NSG2: variants seen among roughly 807,000 people sequenced by gnomAD.
The protein encoded by NSG2 is neuronal vesicle trafficking-associated protein 2.
A neutral mutation model predicts 16.9 loss-of-function variants in NSG2; 4 were observed. The observed-to-expected ratio is 0.24, with a 90% CI of 0.12 to 0.54. The LOEUF is 0.54. NSG2 is among the 20% of genes least tolerant of loss of function. The pLI is 0.95. For synonymous variants in NSG2, 98 were observed against 88.7 expected (o/e 1.11, Z -0.59); for missense variants, 179 against 221.1 (o/e 0.81, Z 1.21).
chr5:174,096,087 C>T (rs1420048605), intron 3 of NSG2, among the ~76,000 whole-genome samples: 1 of 152,224 alleles, frequency 6.6e-6, no homozygotes, highest in Non-Finnish European at 1.5e-5. Context: ...GATACAATAC[C>T]ACCTACCTCA....
intron 4 of NSG2, among the ~76,000 whole-genome samples, chr5:174,106,954 G>C (rs1047572306): frequency 6.6e-6 from 1 of 152,172 alleles, no homozygotes; most frequent in Admixed American, 6.5e-5. Context: ...ATAGTCATTG[G>C]CTGTGAACAA....
intron 2 of NSG2, among the ~76,000 whole-genome samples, chr5:174,053,438 C>T (rs1041955600): frequency 2.0e-5 from 3 of 152,096 alleles, no homozygotes; most frequent in African/African-American, 7.2e-5. Flanking sequence ...GCAGGGGAGG[C>T]CTGAAAGGGG....
chr5:174,087,787 C>T (rs1246943160), intron 3 of NSG2, among the ~76,000 whole-genome samples: 1 of 131,660 alleles, frequency 7.6e-6, no homozygotes, highest in Admixed American at 7.7e-5. Context: ...GACCCTGTGT[C>T]AAAAAAAAAA....
At chr5:174,058,909 C>T (rs1760006370) in intron 2 of NSG2, among the ~76,000 whole-genome samples, 1 of 152,204 alleles carries the variant, frequency 6.6e-6, no homozygotes, top group African/African-American at 2.4e-5. Context: ...CACATGGTAT[C>T]AGGCACCTGC....
chr5:174,095,579 C>T (rs1462159927), intron 3 of NSG2, among the ~76,000 whole-genome samples: 2 of 152,148 alleles, frequency 1.3e-5, no homozygotes, highest in African/African-American at 4.8e-5. Flanking sequence ...CCTGCATAAT[C>T]CAGGATGATT....
At chr5:174,098,042 G>A (rs537399443) in intron 3 of NSG2, among the ~76,000 whole-genome samples, 2 of 152,222 alleles carry the variant, frequency 1.3e-5, no homozygotes, top group Admixed American at 1.3e-4. Flanking sequence ...GGGGTGATGG[G>A]GATGCAGTGT....
At chr5:174,073,261 C>T (rs1252224084) in intron 3 of NSG2, among the ~76,000 whole-genome samples, 1 of 152,198 alleles carries the variant, frequency 6.6e-6, no homozygotes, top group Non-Finnish European at 1.5e-5. Flanking sequence ...AACTCCAGGG[C>T]CTTCATTCCA....
At chr5:174,061,585 T>G (rs1448837783) in intron 2 of NSG2, among the ~76,000 whole-genome samples, 2 of 152,192 alleles carry the variant, frequency 1.3e-5, no homozygotes, top group African/African-American at 4.8e-5. Context: ...CCCAGGAAAC[T>G]TCTATTCATC....
chr5:174,056,649 A>G (rs1290233238), intron 2 of NSG2: 1 of 152,238 alleles, frequency 6.6e-6, no homozygotes, highest in Non-Finnish European at 1.5e-5. Flanking sequence ...AGTGCCAGCC[A>G]TTTATTGTCC....
At chr5:174,071,239 A>G (rs1760236215) in intron 3 of NSG2, among the ~76,000 whole-genome samples, 1 of 152,226 alleles carries the variant, frequency 6.6e-6, no homozygotes, top group Non-Finnish European at 1.5e-5. Flanking sequence ...CTGTTATCCT[A>G]GCACTTCGGG....
intron 3 of NSG2, among the ~76,000 whole-genome samples, chr5:174,098,944 T>TA (rs1320178453): frequency 6.6e-6 from 1 of 152,214 alleles, no homozygotes; most frequent in Non-Finnish European, 1.5e-5. Flanking sequence ...CCAAGGGCTT[T>TA]AGAACGTCTC....
intron 2 of NSG2, among the ~76,000 whole-genome samples, chr5:174,051,364 A>G (rs903402744): frequency 3.3e-5 from 5 of 152,152 alleles, no homozygotes; most frequent in Non-Finnish European, 5.9e-5. Flanking sequence ...ACCTCCATGA[A>G]CATGCCATTC....
intron 3 of NSG2, among the ~76,000 whole-genome samples, chr5:174,096,491 G>T (rs1234277800): frequency 6.6e-6 from 1 of 152,136 alleles, no homozygotes; most frequent in Non-Finnish European, 1.5e-5. Flanking sequence ...GCTGAAAAGG[G>T]AATGGAGGTT....
chr5:174,108,267 TGC>T lies in NSG2; in HGVS notation c.*763_*764del. The T allele has an allele frequency of 8.2e-5, 13 of 159,092 alleles. No homozygotes were observed. Among genetic ancestry groups the T allele is most frequent in the South Asian group, 3.6e-4 (2 of 5,626 alleles). 9.9% of individuals were successfully genotyped at this position (159,092 alleles called of 1,614,324 possible). A position where few individuals can be genotyped will look rare whatever the true frequency, so the allele number is the denominator to read the frequency against. On this transcript the variant is annotated 3_prime_UTR_variant, in exon 5 of 5. Coordinates refer to ENST00000303177, the MANE Select transcript of NSG2 (RefSeq NM_015980.5). ...GAGTGGGCAGATTTTCTTTGTCTTT[TGC>T]TTGCATTTTCTAGATCCACACCTGG...
In NSG2 at chr5:174,088,640, G is replaced by A. The variant is rs377519566; in HGVS notation, c.214-15588G>A. ...AACAAGACTTTAGATCCTAAGGCATGTTCCTTCTCCCAGATCCTTGGTCTC... is the reference window on the plus strand; with the variant it reads ...AACAAGACTTTAGATCCTAAGGCATATTCCTTCTCCCAGATCCTTGGTCTC... On this transcript the variant is annotated intron_variant, in intron 3 of 4. Coordinates refer to ENST00000303177, the MANE Select transcript of NSG2 (RefSeq NM_015980.5). 1.6e-4 allele frequency among the ~76,000 whole-genome samples: 25 copies of A among 152,218 alleles called. 1 individual carries two copies. The highest frequency in any genetic ancestry group is 5.8e-4 in the East Asian group (3 of 5,196).
chr5:174,099,809 C>T (rs866334173), intron 3 of NSG2, among the ~76,000 whole-genome samples: 6 of 152,152 alleles, frequency 3.9e-5, no homozygotes, highest in Middle Eastern at 6.8e-3. Flanking sequence ...CCCAGGAGGA[C>T]GTCCCTGATG....
intron 2 of NSG2, among the ~76,000 whole-genome samples, chr5:174,054,995 G>A (rs1759945405): frequency 6.6e-6 from 1 of 152,232 alleles, no homozygotes; most frequent in Admixed American, 6.5e-5. Context: ...CTAGTACGTA[G>A]TAGATGCTTA....
intron 2 of NSG2, among the ~76,000 whole-genome samples, chr5:174,058,133 T>C (rs960820848): frequency 1.3e-5 from 2 of 152,152 alleles, no homozygotes; most frequent in African/African-American, 4.8e-5. Flanking sequence ...ATCTTCTAAG[T>C]TGGGGATTAC....
intron 4 of NSG2, among the ~76,000 whole-genome samples, chr5:174,106,616 A>T (rs1760985814): frequency 1.1e-5 from 1 of 88,938 alleles, no homozygotes; most frequent in African/African-American, 4.5e-5. Flanking sequence ...TTTTTTTGCG[A>T]CGGAGTCTCA....
Sources: gnomAD v4.1 joint callset for allele counts (sites outside exome capture counted in the v4.1 genomes callset) on GRCh38, gnomAD v4.1.1 for gene constraint, MANE v1.5 for transcripts, NCBI Gene and HGNC (gene_info 2026-07-23, HGNC 2026-07-21) for gene names.